The following ENPP6 variants were observed in gnomAD, a reference collection of about 807,000 sequenced individuals.
The protein encoded by ENPP6 is glycerophosphocholine cholinephosphodiesterase ENPP6.
ENPP6 carries 32 observed loss-of-function variants against 42.0 expected under a neutral mutation model. The ratio of observed to expected loss-of-function variants is 0.76; its 90% CI spans 0.58 to 1.02. ENPP6 has a LOEUF of 1.02. ENPP6 is among the 50% of genes least tolerant of loss of function. ENPP6 has a pLI of 0.00. For missense variants in ENPP6, 552 were observed against 566.8 expected (o/e 0.97, Z 0.27); for synonymous variants, 213 against 216.0 (o/e 0.99, Z 0.12).
intron 7 of ENPP6, among the ~76,000 whole-genome samples, chr4:184,096,351 A>G (rs796300963): frequency 9.2e-5 from 14 of 152,334 alleles, no homozygotes; most frequent in African/African-American, 3.1e-4. Flanking sequence ...CATTTTGACC[A>G]ACATCTAGAA....
chr4:184,155,242 C>A (rs1293395793), intron 1 of ENPP6, among the ~76,000 whole-genome samples: 1 of 152,162 alleles, frequency 6.6e-6, no homozygotes, highest in Non-Finnish European at 1.5e-5. Flanking sequence ...AAAGTTGAAT[C>A]ATATTAAGAG....
At chr4:184,188,517 G>A (rs1256200377) in intron 1 of ENPP6, among the ~76,000 whole-genome samples, 2 of 152,222 alleles carry the variant, frequency 1.3e-5, no homozygotes, top group East Asian at 3.9e-4. Context: ...CTGAAGCTGT[G>A]TCACAGTCTT....
chr4:184,165,087 G>A (rs1737326872), intron 1 of ENPP6, among the ~76,000 whole-genome samples: 1 of 152,186 alleles, frequency 6.6e-6, no homozygotes, highest in Admixed American at 6.5e-5. Context: ...GAAGGTCTTG[G>A]GGCTGAGCCC....
intron 1 of ENPP6, among the ~76,000 whole-genome samples, chr4:184,183,670 A>C (rs777469467): frequency 2.0e-5 from 3 of 152,232 alleles, no homozygotes; most frequent in Non-Finnish European, 4.4e-5. Context: ...CCACAGACTA[A>C]GTTCAATCAT....
rs141496020 is a variant in ENPP6, at chr4:184,097,251, C to G, written c.1111G>C (p.Gly371Arg). ...TGGTCATTTCCTCGCCTACCAGGTC[C>G]GAAGGCCAGGAAGATGCCCCGCATG... ...MDMRGIFLAFGPDFKSNFRAA... is the reference protein window; with the variant it reads ...MDMRGIFLAFRPDFKSNFRAA... Residue 371 changes from glycine to arginine, a missense_variant, in exon 7 of 8, where the codon GGA becomes CGA. Gly to Arg is a moderately radical substitution (Grantham distance 125). Transcript: ENST00000296741. 1.2e-6 allele frequency: 2 copies of G among 1,614,020 alleles called. No homozygotes were observed. The highest frequency in any genetic ancestry group is 1.3e-5 in the African/African-American group (1 of 74,928).
chr4:184,109,741 C>G (rs1418208630), intron 6 of ENPP6, among the ~76,000 whole-genome samples: 1 of 152,176 alleles, frequency 6.6e-6, no homozygotes, highest in Non-Finnish European at 1.5e-5. Flanking sequence ...TTGTCAATAG[C>G]TAAGCATTCT....
At chr4:184,203,823 AGT>A (rs1732943439) in intron 1 of ENPP6, among the ~76,000 whole-genome samples, 1 of 152,206 alleles carries the variant, frequency 6.6e-6, no homozygotes, top group South Asian at 2.1e-4. Context: ...ACTCTCAGTG[AGT>A]AGGTTTGGTC....
chr4:184,201,399 G>A (rs1732901596), intron 1 of ENPP6, among the ~76,000 whole-genome samples: 1 of 152,180 alleles, frequency 6.6e-6, no homozygotes, highest in African/African-American at 2.4e-5. Context: ...CAACATTGGG[G>A]TGAGGGAGGC....
chr4:184,141,961 C>A (rs1736831123), intron 2 of ENPP6, among the ~76,000 whole-genome samples: 1 of 152,136 alleles, frequency 6.6e-6, no homozygotes, highest in South Asian at 2.1e-4. Flanking sequence ...GCATCCTGTG[C>A]AATTTACAGC....
At chr4:184,098,546 C>G (rs1271990532) in intron 6 of ENPP6, among the ~76,000 whole-genome samples, 1 of 152,216 alleles carries the variant, frequency 6.6e-6, no homozygotes, top group Non-Finnish European at 1.5e-5. Context: ...CGTTAATGAG[C>G]ACACTGGAAG....
chr4:184,211,611 A>T (rs1352276640), intron 1 of ENPP6, among the ~76,000 whole-genome samples: 1 of 152,218 alleles, frequency 6.6e-6, no homozygotes, highest in Non-Finnish European at 1.5e-5. Context: ...TTACCAACTA[A>T]AAAGAGTCCA....
chr4:184,162,576 A>AAGGAAGGAAGG, intron 1 of ENPP6, among the ~76,000 whole-genome samples: 1 of 145,320 alleles, frequency 6.9e-6, no homozygotes, highest in African/African-American at 2.6e-5. Context: ...AGGAAGGAAG[A>AAGGAAGGAAGG]AAGGAAGGAA....
At chr4:184,208,995 G>GGCCT (rs1733060243) in intron 1 of ENPP6, among the ~76,000 whole-genome samples, 2 of 142,702 alleles carry the variant, frequency 1.4e-5, no homozygotes, top group Admixed American at 1.4e-4. Context: ...TCACACGGCA[G>GGCCT]GGTATTCCAA....
At chr4:184,148,625 A>G (rs1240609048) in intron 2 of ENPP6, among the ~76,000 whole-genome samples, 1 of 152,232 alleles carries the variant, frequency 6.6e-6, no homozygotes. Flanking sequence ...AGACAACATC[A>G]GCGATGCAGA....
chr4:184,106,670 T>G (rs1325876022), intron 6 of ENPP6, among the ~76,000 whole-genome samples: 3 of 152,116 alleles, frequency 2.0e-5, no homozygotes, highest in African/African-American at 4.8e-5. Context: ...AGTACCCTCT[T>G]TCATGGCACT....
intron 7 of ENPP6, among the ~76,000 whole-genome samples, chr4:184,096,086 G>A (rs1334776326): frequency 6.6e-6 from 1 of 152,184 alleles, no homozygotes; most frequent in African/African-American, 2.4e-5. Context: ...GAGGACTTGG[G>A]AACCTGGATC....
At chr4:184,217,441 T>A in intron 1 of ENPP6, 138 bp downstream of exon 1, 1 of 1,246,282 alleles carries the variant, frequency 8.0e-7, no homozygotes, top group Non-Finnish European at 1.1e-6. Flanking sequence ...AGAACACAGA[T>A]TTTTTTTATC....
At chr4:184,141,647 T>A (rs1457548352) in intron 2 of ENPP6, among the ~76,000 whole-genome samples, 3 of 152,192 alleles carry the variant, frequency 2.0e-5, no homozygotes, top group Non-Finnish European at 4.4e-5. Context: ...GAGTCTGCCT[T>A]CTTGCTGGGT....
chr4:184,095,155 A>T (rs1222935791), intron 7 of ENPP6, among the ~76,000 whole-genome samples: 3 of 152,180 alleles, frequency 2.0e-5, no homozygotes, highest in Admixed American at 6.5e-5. Flanking sequence ...CTGCCTGGAA[A>T]CATTTTGCAA....
Sources: gnomAD v4.1 joint callset for allele counts (sites outside exome capture counted in the v4.1 genomes callset) on GRCh38, gnomAD v4.1.1 for gene constraint, MANE v1.5 for transcripts, NCBI Gene and HGNC (gene_info 2026-07-23, HGNC 2026-07-21) for gene names.